VCP: variants seen among roughly 807,000 people sequenced by gnomAD.
VCP encodes the protein valosin containing protein.
Under a neutral mutation model 85.7 loss-of-function variants are expected in VCP, and 6 were observed. The observed-to-expected ratio is 0.07, with a 90% CI of 0.04 to 0.14. The LOEUF (loss-of-function observed/expected upper bound fraction) is 0.14, where lower values mean the gene tolerates loss of function less well. VCP is among the 10% of genes least tolerant of loss of function. VCP has a pLI of 1.00. For missense variants in VCP, 353 were observed against 1,043.4 expected, an observed-to-expected ratio of 0.34 and a Z score of 9.12; for synonymous variants, 384 against 367.1, an observed-to-expected ratio of 1.05 and a Z score of -0.53.
At chr9:35,071,869 A>G (rs1324801097) in intron 1 of VCP, 1 of 993,534 alleles carries the variant, frequency 1.0e-6, no homozygotes, top group African/African-American at 1.7e-5. Context: ...AGGCCTTCAC[A>G]TGGCGCAAAG....
intron 6 of VCP, among the ~76,000 whole-genome samples, chr9:35,063,347 G>A (rs1006625224): frequency 6.6e-6 from 1 of 152,160 alleles, no homozygotes; most frequent in Non-Finnish European, 1.5e-5. Context: ...GTCCAAATGC[G>A]TTTGAAGATA....
intron 3 of VCP, 139 bp from the exon 4 acceptor site, chr9:35,066,956 G>A: frequency 7.3e-7 from 1 of 1,376,152 alleles, no homozygotes; most frequent in Non-Finnish European, 1.0e-6. Flanking sequence ...AGAGGAAGGA[G>A]AACAGGGTGG....
intron 7 of VCP, 81 bp downstream of exon 7, chr9:35,062,897 G>A: frequency 2.3e-6 from 3 of 1,314,934 alleles, no homozygotes; most frequent in Non-Finnish European, 3.3e-6. Flanking sequence ...GTGCAAAAAG[G>A]ATGTGTTCAT....
Position 35,056,702 on chromosome 9 carries a change from T to A in VCP, c.*415A>T, listed in dbSNP as rs770035800. The stretch of plus-strand genomic sequence containing the variant: ...ACTCTCTATATAAACATCCAGCAAC[T>A]GTGGCCCCTACCCACCTACCCAGGT... On this transcript the variant is annotated 3_prime_UTR_variant, in exon 17 of 17. Coordinates refer to ENST00000358901, the MANE Select transcript of VCP (RefSeq NM_007126.5). 9.9e-5 allele frequency: 26 copies of A among 263,346 alleles called. 1 individual carries two copies. The highest frequency in any genetic ancestry group is 1.5e-4 in the Non-Finnish European group (20 of 132,050). The allele number at this position is 263,346 out of a possible 1,614,324, so 16.3% of individuals were successfully genotyped here.
At chr9:35,064,853 T>C (rs1343323125) in intron 5 of VCP, among the ~76,000 whole-genome samples, 1 of 152,200 alleles carries the variant, frequency 6.6e-6, no homozygotes, top group Non-Finnish European at 1.5e-5. Flanking sequence ...AGATGGTTAG[T>C]TCTCCAAAGA....
rs150251323 is a variant in VCP, at chr9:35,064,099, C to T, written c.708+55G>A. 2.2e-3 allele frequency: 3,624 copies of T among 1,612,954 alleles called. 8 individuals are homozygous for T. The highest frequency in any genetic ancestry group is 3.0e-3 in the Admixed American group (179 of 59,994). ...ACAGTCCCAGGATTAGACATTGGGA[C>T]AGGATTAGACATTGGCACCACTTTA... On this transcript the variant is annotated intron_variant, in intron 6 of 16. Coordinates refer to ENST00000358901, the MANE Select transcript of VCP (RefSeq NM_007126.5).
At chr9:35,071,875 C>T in intron 1 of VCP, 1 of 995,224 alleles carries the variant, frequency 1.0e-6, no homozygotes, top group Admixed American at 6.1e-5. Context: ...TCACATGGCG[C>T]AAAGTCCACG....
chr9:35,068,361 A>T lies in VCP; in HGVS notation c.19T>A (p.Ser7Thr). Residue 7 changes from serine (S) to threonine (T), a missense_variant and splice_region_variant, in exon 2 of 17, where the codon TCA becomes ACA. This residue lies in a region of VCP where 69 missense variants were observed against 132.9 expected (regional missense o/e 0.52). Transcript: ENST00000358901. Reference protein sequence around the residue: MASGADSKGDDLSTAIL... With the variant: MASGADTKGDDLSTAIL... Reference sequence around the variant, plus strand: ...GCTGTTGATAGGTCATCACCTTTTGAACTAGAAGGAGGAAATGGAGTCAGT... The same window carrying T: ...GCTGTTGATAGGTCATCACCTTTTGTACTAGAAGGAGGAAATGGAGTCAGT... 6.2e-7 allele frequency: 1 copy of T among 1,613,974 alleles called. No homozygotes were observed. The highest frequency in any genetic ancestry group is 8.5e-7 in the Non-Finnish European group (1 of 1,179,914).
chr9:35,068,677 G>A (rs889814606), intron 1 of VCP, among the ~76,000 whole-genome samples: 4 of 152,138 alleles, frequency 2.6e-5, no homozygotes, highest in African/African-American at 9.7e-5. Flanking sequence ...ATAGTTGTTA[G>A]AGAAATAAAA....
Position 35,056,435 on chromosome 9 carries a change from TG to T in VCP, c.*681del, listed in dbSNP as rs1828607216. 1.3e-5 allele frequency: 2 copies of T among 155,808 alleles called. No homozygotes were observed. The highest frequency in any genetic ancestry group is 2.9e-5 in the Non-Finnish European group (2 of 70,166). The allele number at this position is 155,808 out of a possible 1,614,324, so 9.7% of individuals were successfully genotyped here. On this transcript the variant is annotated 3_prime_UTR_variant, in exon 17 of 17. Coordinates refer to ENST00000358901, the MANE Select transcript of VCP (RefSeq NM_007126.5). ...GCAACAGGAGACATCATACCGATGT[TG>T]ATCAGGAGAGGAAGAAGGTGCAATC...
intron 1 of VCP, among the ~76,000 whole-genome samples, chr9:35,069,993 A>C (rs1828907938): frequency 6.6e-6 from 1 of 152,232 alleles, no homozygotes; most frequent in African/African-American, 2.4e-5. Flanking sequence ...CACAATTTGC[A>C]AGAGACAAAG....
Position 35,059,954 on chromosome 9 carries a change from G to C in VCP, c.1696-153C>G, listed in dbSNP as rs960060656. On this transcript the variant is annotated intron_variant, in intron 13 of 16. Coordinates refer to ENST00000358901, the MANE Select transcript of VCP (RefSeq NM_007126.5). The surrounding 1 kb of genome is among the most constrained non-coding windows in gnomAD (Gnocchi z 4.9). ...CCGAAACCAGCATGGGCAACATACT[G>C]AGACTTTGTCTCTACAAAAAATAAA... 1 of 945,062 alleles carries C rather than the reference G, an allele frequency of 1.1e-6. No homozygotes were observed. The highest frequency in any genetic ancestry group is 1.6e-5 in the African/African-American group (1 of 60,790). The allele number at this position is 945,062 out of a possible 1,614,324, so 58.5% of individuals were successfully genotyped here. A position where few individuals can be genotyped will look rare whatever the true frequency, so the allele number is the denominator to read the frequency against.
At position 35,064,328 on chromosome 9, in the gene VCP, A is replaced by G. The variant is rs565784689; in HGVS notation, c.577-43T>C. 49 of 1,611,010 alleles carry G rather than the reference A, an allele frequency of 3.0e-5. No individual in the cohort carries two copies. The East Asian group carries it at 3.3e-4, about 11-fold the overall frequency. ...AAAGAAAGGAGAAGGCAAGAATATT[A>G]TATCAGCAAAAGCTGAGTTTCTCTA... On this transcript the variant is annotated intron_variant, in intron 5 of 16. Coordinates refer to ENST00000358901, the MANE Select transcript of VCP (RefSeq NM_007126.5).
chr9:35,064,693 C>CT (rs1211238478), intron 5 of VCP, among the ~76,000 whole-genome samples: 1 of 152,172 alleles, frequency 6.6e-6, no homozygotes, highest in Non-Finnish European at 1.5e-5. Flanking sequence ...GGGCAGAGGC[C>CT]TGAAGCCACC....
chr9:35,070,690 C>T (rs1300352614), intron 1 of VCP, among the ~76,000 whole-genome samples: 1 of 152,190 alleles, frequency 6.6e-6, no homozygotes, highest in Non-Finnish European at 1.5e-5. Flanking sequence ...CCTGCCTCGG[C>T]CTCCCAAAAT....
rs1258294138 is a variant in VCP, at chr9:35,070,365, G to A, written c.17+1972C>T. 3.3e-5 allele frequency among the ~76,000 whole-genome samples: 5 copies of A among 152,304 alleles called. No homozygotes were observed. The East Asian group carries it at 9.7e-4, about 29-fold the overall frequency. ...CCATCAAAATACTCTTCCAGGGACT[G>A]CCCATCTTCTTGCTTGACTTATAGA... is the stretch of plus-strand genomic sequence containing the variant. On this transcript the variant is annotated intron_variant, in intron 1 of 16. Transcript: ENST00000358901.
intron 1 of VCP, among the ~76,000 whole-genome samples, chr9:35,069,923 G>T (rs962138466): frequency 6.6e-6 from 1 of 152,154 alleles, no homozygotes; most frequent in Non-Finnish European, 1.5e-5. Context: ...TTGTTCTAAG[G>T]GCTGGGGATA....
chr9:35,068,233 T>C lies in VCP; in HGVS notation c.129+18A>G. On this transcript the variant is annotated intron_variant, in intron 2 of 16. Coordinates refer to ENST00000358901, the MANE Select transcript of VCP (RefSeq NM_007126.5). ...AGTAAGTGCAGTAAGGAAAGACTAG[T>C]CTGTGGCCACAGCTTACCTGGGACA... The C allele has an allele frequency of 1.2e-6, 2 of 1,612,426 alleles. No individual in the cohort carries two copies. The highest frequency in any genetic ancestry group is 1.1e-5 in the South Asian group (1 of 91,038).
At chr9:35,058,340 G>A (rs568303458) in intron 15 of VCP, among the ~76,000 whole-genome samples, 1 of 152,154 alleles carries the variant, frequency 6.6e-6, no homozygotes. Context: ...AAGACATAGT[G>A]GAAAACAAGT....
Sources: allele counts gnomAD v4.1 joint callset (sites outside exome capture counted in the v4.1 genomes callset), GRCh38; gene constraint gnomAD v4.1.1; regional missense constraint gnomAD v4.1.1; non-coding constraint Gnocchi (gnomAD v3.1); transcripts MANE v1.5; gene names NCBI Gene and HGNC (gene_info 2026-07-23, HGNC 2026-07-21).